Variants in GALNT17 observed in about 807,000 individuals in gnomAD.
The protein encoded by GALNT17 is UDP-GalNAc:polypeptide N-acetylgalactosaminyltransferase-like 3.
Under a neutral mutation model 63.7 loss-of-function variants are expected in GALNT17, and 29 were observed. That is an observed-to-expected ratio of 0.46 (90% CI 0.34 to 0.62). GALNT17 has a LOEUF of 0.62. GALNT17 is among the 20% of genes least tolerant of loss of function. The pLI is 0.01. For missense variants in GALNT17, 603 were observed against 799.6 expected, an observed-to-expected ratio of 0.75 and a Z score of 2.97; for synonymous variants, 305 against 318.3, an observed-to-expected ratio of 0.96 and a Z score of 0.45.
intron 6 of GALNT17, among the ~76,000 whole-genome samples, chr7:71,601,338 G>A (rs538398533): frequency 6.6e-6 from 1 of 152,188 alleles, no homozygotes; most frequent in South Asian, 2.1e-4. Flanking sequence ...TCTACTTTTA[G>A]TTCCTTAAGG....
At chr7:71,541,928 G>A (rs901208287) in intron 5 of GALNT17, among the ~76,000 whole-genome samples, 5 of 152,162 alleles carry the variant, frequency 3.3e-5, no homozygotes, top group African/African-American at 9.7e-5. Context: ...TTTCAGAGAC[G>A]ACGTCTTATT....
chr7:71,474,283 C>T (rs960041902), intron 5 of GALNT17, among the ~76,000 whole-genome samples: 6 of 152,240 alleles, frequency 3.9e-5, no homozygotes, highest in South Asian at 2.1e-4. Flanking sequence ...GCTTCTTTAC[C>T]GCAGCCTGTT....
intron 1 of GALNT17, among the ~76,000 whole-genome samples, chr7:71,143,066 T>A (rs1787946336): frequency 6.6e-6 from 1 of 152,078 alleles, no homozygotes; most frequent in Non-Finnish European, 1.5e-5. Context: ...TTTTCATGCA[T>A]GCACGATAGG....
intron 5 of GALNT17, among the ~76,000 whole-genome samples, chr7:71,567,740 G>A (rs1185347913): frequency 2.6e-5 from 4 of 152,198 alleles, no homozygotes; most frequent in African/African-American, 4.8e-5. Flanking sequence ...TGGGGTTACA[G>A]GTGTGAGCCA....
At chr7:71,278,189 G>C (rs1373303953) in intron 1 of GALNT17, among the ~76,000 whole-genome samples, 1 of 152,180 alleles carries the variant, frequency 6.6e-6, no homozygotes, top group Non-Finnish European at 1.5e-5. Context: ...TGAATGAATA[G>C]GTCCTTTTGT....
At chr7:71,215,913 T>G (rs889701899) in intron 1 of GALNT17, among the ~76,000 whole-genome samples, 2 of 152,018 alleles carry the variant, frequency 1.3e-5, no homozygotes, top group African/African-American at 4.8e-5. Flanking sequence ...AACAGAAAAA[T>G]TTAACACATC....
rs370230791 is a variant in GALNT17 at position 71,664,968 on chromosome 7, ATTAT to A, written c.1081-424_1081-421del. 2.8e-3 allele frequency among the ~76,000 whole-genome samples: 423 copies of A among 151,972 alleles called. 1 individual carries two copies. Among genetic ancestry groups the A allele is most frequent in the African/African-American group, 9.8e-3 (406 of 41,424 alleles). On this transcript the variant is annotated intron_variant, in intron 6 of 10. Coordinates refer to ENST00000333538, the MANE Select transcript of GALNT17 (RefSeq NM_022479.3). ...AAACCAACCTTGAACTCTCATTGGC[ATTAT>A]TTATTTATTTATTTATTTGTTTAGA...
Position 71,435,937 on chromosome 7 carries a change from G to A in GALNT17, c.962+14832G>A, listed in dbSNP as rs373984909. 3.2e-4 allele frequency among the ~76,000 whole-genome samples: 47 copies of A among 149,174 alleles called. No individual in the cohort carries two copies. The East Asian group carries it at 9.1e-3, about 29-fold the overall frequency. On this transcript the variant is annotated intron_variant, in intron 5 of 10. Coordinates refer to ENST00000333538, the MANE Select transcript of GALNT17 (RefSeq NM_022479.3). ...CGGGAGGCTGAGGCAGGAGAATGGC[G>A]TGAACCTGGGAGGTGGAGCTTGCAG...
At chr7:71,467,226 G>C (rs923599966) in intron 5 of GALNT17, among the ~76,000 whole-genome samples, 3 of 152,164 alleles carry the variant, frequency 2.0e-5, no homozygotes, top group Admixed American at 2.0e-4. Context: ...AGCAGTCGTA[G>C]CTCTGGGATA....
intron 6 of GALNT17, among the ~76,000 whole-genome samples, chr7:71,594,476 G>C (rs1182338040): frequency 6.6e-6 from 1 of 152,144 alleles, no homozygotes; most frequent in East Asian, 1.9e-4. Context: ...TTTTAGTAGA[G>C]ATGGGGTTTT....
intron 6 of GALNT17, among the ~76,000 whole-genome samples, chr7:71,658,400 G>GGACACTTCCTAAGGAC (rs1458534114): frequency 3.9e-5 from 6 of 152,164 alleles, no homozygotes; most frequent in Admixed American, 2.6e-4. Flanking sequence ...TCCTGCCTAA[G>GGACACTTCCTAAGGAC]ACTTCCCAGA....
intron 5 of GALNT17, among the ~76,000 whole-genome samples, chr7:71,464,164 T>A (rs1397333299): frequency 6.6e-6 from 1 of 152,160 alleles, no homozygotes. Context: ...ATAAGAGACA[T>A]TAAGCGTGGG....
intron 5 of GALNT17, among the ~76,000 whole-genome samples, chr7:71,524,548 C>T (rs1008287050): frequency 3.3e-5 from 5 of 151,994 alleles, no homozygotes; most frequent in Admixed American, 6.6e-5. Flanking sequence ...TCGATGGCCA[C>T]GGTATGCCAG....
chr7:71,400,684 G>A (rs1793223444), intron 3 of GALNT17, among the ~76,000 whole-genome samples: 1 of 152,278 alleles, frequency 6.6e-6, no homozygotes, highest in East Asian at 1.9e-4. Context: ...CCAAAGTATG[G>A]TTATCTCAAT....
At chr7:71,451,327 G>A (rs1787260016) in intron 5 of GALNT17, among the ~76,000 whole-genome samples, 1 of 152,134 alleles carries the variant, frequency 6.6e-6, no homozygotes, top group South Asian at 2.1e-4. Context: ...AGGATTTTCA[G>A]TGATTAGTCT....
At chr7:71,684,206 G>A (rs1378089337) in intron 9 of GALNT17, among the ~76,000 whole-genome samples, 1 of 152,070 alleles carries the variant, frequency 6.6e-6, no homozygotes, top group Non-Finnish European at 1.5e-5. Context: ...AGAACACTTT[G>A]GCTACCCTGC....
chr7:71,239,895 C>T (rs1789962822), intron 1 of GALNT17, among the ~76,000 whole-genome samples: 1 of 152,168 alleles, frequency 6.6e-6, no homozygotes, highest in Non-Finnish European at 1.5e-5. Context: ...TGATAAGTGA[C>T]TTCAGAGTAA....
chr7:71,377,101 TAAAA>T (rs1406763460), intron 2 of GALNT17, among the ~76,000 whole-genome samples: 4 of 51,486 alleles, frequency 7.8e-5, no homozygotes, highest in African/African-American at 3.9e-4. Context: ...AAAAAAAAAA[TAAAA>T]ATAAAAAAAA....
intron 2 of GALNT17, among the ~76,000 whole-genome samples, chr7:71,357,393 G>T (rs1792307202): frequency 6.6e-6 from 1 of 152,132 alleles, no homozygotes; most frequent in Non-Finnish European, 1.5e-5. Flanking sequence ...AGGTGGAGCA[G>T]TCTCATCCTG....
Sources: allele counts gnomAD v4.1 joint callset (sites outside exome capture counted in the v4.1 genomes callset), GRCh38; gene constraint gnomAD v4.1.1; transcripts MANE v1.5; gene names NCBI Gene and HGNC (gene_info 2026-07-23, HGNC 2026-07-21).